Variants in SRGAP3 observed in about 807,000 individuals in gnomAD.
SRGAP3 encodes SLIT-ROBO Rho GTPase activating protein 3.
A neutral mutation model predicts 121.1 loss-of-function variants in SRGAP3; 39 were observed. The ratio of observed to expected loss-of-function variants is 0.32; its 90% CI spans 0.25 to 0.42. The LOEUF is 0.42. SRGAP3 is among the 10% of genes least tolerant of loss of function. SRGAP3 has a pLI of 1.00. For synonymous variants in SRGAP3, 601 were observed against 570.0 expected, an observed-to-expected ratio of 1.05 and a Z score of -0.77; for missense variants, 1,213 against 1,470.6, an observed-to-expected ratio of 0.82 and a Z score of 2.86.
At position 9,124,821 on chromosome 3, in the gene SRGAP3, C is replaced by T; in HGVS notation, c.164G>A (p.Arg55Gln). ...GTACTCGAGCTCAATCTCAGCTTTCCGGCGGAAAAACTCCTGGAGGTCTTG... is the reference window on the plus strand; with the variant it reads ...GTACTCGAGCTCAATCTCAGCTTTCTGGCGGAAAAACTCCTGGAGGTCTTG... The part of the protein sequence containing the change: ...LLQDLQEFFR[R>Q]KAEIELEYSR... Residue 55 changes from arginine to glutamine, a missense_variant, in exon 2 of 22, where the codon CGG becomes CAG. Arg to Gln is a conservative substitution (Grantham distance 43). This residue lies in a region of SRGAP3 where 793 missense variants were observed against 1,032.9 expected (regional missense o/e 0.77). Coordinates refer to ENST00000383836, the MANE Select transcript of SRGAP3 (RefSeq NM_014850.4). 4 of 1,614,204 alleles carry T rather than the reference C, an allele frequency of 2.5e-6. No homozygotes were observed. Among genetic ancestry groups the T allele is most frequent in the Non-Finnish European group, 3.4e-6 (4 of 1,180,040 alleles).
At chr3:9,284,943 T>G (rs999091481) in intron 3 of SRGAP3, among the ~76,000 whole-genome samples, 3 of 151,830 alleles carry the variant, frequency 2.0e-5, no homozygotes, top group African/African-American at 7.3e-5. Flanking sequence ...AAGGTAATGC[T>G]GTTGATTAAG....
intron 10 of SRGAP3, among the ~76,000 whole-genome samples, chr3:9,046,321 T>C (rs1388168801): frequency 6.6e-6 from 1 of 152,200 alleles, no homozygotes; most frequent in Non-Finnish European, 1.5e-5. Context: ...AGGGAATTTT[T>C]GAGGGTGACT....
At position 9,284,136 on chromosome 3, in the gene SRGAP3, A is replaced by G. The variant is rs570645324; in HGVS notation, n.442+41874T>C. On this transcript the variant is annotated intron_variant and non_coding_transcript_variant, in intron 3 of 3. Transcript: ENST00000490889. ...GAGTTAAAAAAAAATGGTGTTTAAT[A>G]AAAAAAAAAAGCTGGTAGTTGAGCT... is the stretch of plus-strand genomic sequence containing the variant. 2.7e-5 allele frequency among the ~76,000 whole-genome samples: 3 copies of G among 110,666 alleles called. No homozygotes were observed. The East Asian group carries it at 7.0e-4, about 26-fold the overall frequency. 72.6% of individuals were successfully genotyped at this position (110,666 alleles called of 152,430 possible). A position where few individuals can be genotyped will look rare whatever the true frequency, so the allele number is the denominator to read the frequency against.
chr3:9,348,063 T>G (rs1447483288), intron 1 of SRGAP3, among the ~76,000 whole-genome samples: 1 of 152,250 alleles, frequency 6.6e-6, no homozygotes, highest in Non-Finnish European at 1.5e-5. Context: ...GAGCTTGCCA[T>G]TTTCAATCAT....
intron 3 of SRGAP3, among the ~76,000 whole-genome samples, chr3:9,083,011 C>T (rs895998622): frequency 1.3e-5 from 2 of 152,204 alleles, no homozygotes; most frequent in African/African-American, 4.8e-5. Context: ...CTGTGCAGAG[C>T]TCACTGGGGA....
chr3:9,183,386 T>C (rs552158164), intron 1 of SRGAP3, among the ~76,000 whole-genome samples: 1 of 152,326 alleles, frequency 6.6e-6, no homozygotes, highest in Admixed American at 6.5e-5. Context: ...AAGAATTAAA[T>C]GAGGTCATGA....
At chr3:9,032,147 T>C (rs1944516335) in intron 12 of SRGAP3, among the ~76,000 whole-genome samples, 1 of 152,180 alleles carries the variant, frequency 6.6e-6, no homozygotes, top group Non-Finnish European at 1.5e-5. Flanking sequence ...GGGAGGATTT[T>C]CTCTTATAAA....
At chr3:9,027,403 C>T (rs1247144073) in intron 12 of SRGAP3, among the ~76,000 whole-genome samples, 1 of 152,272 alleles carries the variant, frequency 6.6e-6, no homozygotes, top group Non-Finnish European at 1.5e-5. Flanking sequence ...AAGTCCTCAT[C>T]CTATTACTGC....
chr3:9,065,496 A>G (rs1004360627), intron 4 of SRGAP3: 6 of 152,216 alleles, frequency 3.9e-5, no homozygotes, highest in Admixed American at 3.3e-4. Context: ...TTTGCAGCCA[A>G]TCCCTGACCC....
chr3:9,319,240 C>T (rs909731007), intron 3 of SRGAP3, among the ~76,000 whole-genome samples: 5 of 151,870 alleles, frequency 3.3e-5, no homozygotes, highest in African/African-American at 1.2e-4. Context: ...CCAAACCCAG[C>T]GATGCTGGTT....
intron 3 of SRGAP3, among the ~76,000 whole-genome samples, chr3:9,296,368 T>G (rs1454399045): frequency 6.6e-6 from 1 of 152,200 alleles, no homozygotes; most frequent in Non-Finnish European, 1.5e-5. Flanking sequence ...GTGTCTTCAG[T>G]TTGCATTTCC....
intron 1 of SRGAP3, among the ~76,000 whole-genome samples, chr3:9,201,386 G>T (rs761284813): frequency 2.0e-5 from 3 of 152,200 alleles, no homozygotes; most frequent in Non-Finnish European, 4.4e-5. Flanking sequence ...CAAATTAAGT[G>T]GTTCCAGGAG....
At chr3:9,067,788 T>A (rs1484102533) in intron 4 of SRGAP3, among the ~76,000 whole-genome samples, 1 of 152,014 alleles carries the variant, frequency 6.6e-6, no homozygotes, top group Non-Finnish European at 1.5e-5. Flanking sequence ...TGCACATGTA[T>A]CCTGGAACTT....
chr3:9,362,306 G>C (rs1192237847), intron 1 of SRGAP3, among the ~76,000 whole-genome samples: 1 of 150,862 alleles, frequency 6.6e-6, no homozygotes, highest in Admixed American at 6.6e-5. Flanking sequence ...TAGGACTACA[G>C]GTGCAGGCCA....
chr3:9,088,946 C>T lies in SRGAP3; in HGVS notation c.424-8859G>A, dbSNP rs1440219840. ...CACCCAGCCATGTCCTCCGTACAGC[C>T]CACAGATGTATTTTAGTTTATGACC... On this transcript the variant is annotated intron_variant, in intron 3 of 21. Coordinates refer to ENST00000383836, the MANE Select transcript of SRGAP3 (RefSeq NM_014850.4). Among the ~76,000 whole-genome samples, 3 of 152,092 alleles carry T rather than the reference C, an allele frequency of 2.0e-5. No individual in the cohort carries two copies. In the East Asian group the frequency reaches 5.8e-4, roughly 29 times the overall value.
At chr3:9,032,267 C>T (rs1169730661) in intron 12 of SRGAP3, among the ~76,000 whole-genome samples, 1 of 152,228 alleles carries the variant, frequency 6.6e-6, no homozygotes, top group East Asian at 1.9e-4. Flanking sequence ...TTCAATCTAG[C>T]TCCTCTTGGG....
chr3:9,211,493 G>A (rs953047234), intron 1 of SRGAP3, among the ~76,000 whole-genome samples: 1 of 152,062 alleles, frequency 6.6e-6, no homozygotes, highest in Non-Finnish European at 1.5e-5. Flanking sequence ...AGTGTTTGTT[G>A]TATCTAGGGA....
rs571391405 is a variant in SRGAP3, at chr3:9,132,780, A to C, written c.68-7863T>G. Among the ~76,000 whole-genome samples, 109 of 152,218 alleles carry C rather than the reference A, an allele frequency of 7.2e-4. 1 individual carries two copies. Among genetic ancestry groups the C allele is most frequent in the African/African-American group, 2.6e-3 (106 of 41,538 alleles). On this transcript the variant is annotated intron_variant, in intron 1 of 21. Transcript: ENST00000383836. ...TAAATATCCTTTTTGAAATCAATAGACTTTATTTTTATAGCAGTTTTAGGC... is the reference window on the plus strand; with the variant it reads ...TAAATATCCTTTTTGAAATCAATAGCCTTTATTTTTATAGCAGTTTTAGGC...
At chr3:9,181,738 C>T (rs951506004) in intron 1 of SRGAP3, among the ~76,000 whole-genome samples, 48 of 152,190 alleles carry the variant, frequency 3.2e-4, no homozygotes, top group African/African-American at 1.1e-3. Context: ...TTTTTAAAGG[C>T]CCACGTGATT....
Sources: gnomAD v4.1 joint callset for allele counts (sites outside exome capture counted in the v4.1 genomes callset) on GRCh38, gnomAD v4.1.1 for gene constraint, gnomAD v4.1.1 regional missense constraint, MANE v1.5 for transcripts, NCBI Gene and HGNC (gene_info 2026-07-23, HGNC 2026-07-21) for gene names.